PPM1L: variants seen among roughly 807,000 people sequenced by gnomAD.
PPM1L encodes the protein protein phosphatase, Mg2+/Mn2+ dependent 1L, also known as protein phosphatase 1L.
PPM1L carries 13 observed loss-of-function variants against 31.4 expected under a neutral mutation model. The ratio of observed to expected loss-of-function variants is 0.41; its 90% CI spans 0.27 to 0.66. The LOEUF is 0.66. Ranked by LOEUF, PPM1L falls within the 30% of genes least tolerant of loss-of-function variation. PPM1L has a pLI of 0.29. For missense variants in PPM1L, 326 were observed against 453.7 expected, an observed-to-expected ratio of 0.72 and a Z score of 2.56; for synonymous variants, 184 against 175.4, an observed-to-expected ratio of 1.05 and a Z score of -0.39.
At chr3:160,876,896 C>T (rs1043177581) in intron 1 of PPM1L, among the ~76,000 whole-genome samples, 5 of 152,162 alleles carry the variant, frequency 3.3e-5, no homozygotes, top group African/African-American at 4.8e-5. Context: ...AAAGCATTTG[C>T]TATTTTTATA....
At chr3:160,872,997 C>G (rs1293608794) in intron 1 of PPM1L, among the ~76,000 whole-genome samples, 1 of 152,152 alleles carries the variant, frequency 6.6e-6, no homozygotes, top group African/African-American at 2.4e-5. Flanking sequence ...TGTCAAGTAA[C>G]TTTGTATTCA....
At chr3:160,781,528 T>A (rs1711748064) in intron 1 of PPM1L, among the ~76,000 whole-genome samples, 2 of 152,150 alleles carry the variant, frequency 1.3e-5, no homozygotes, top group Admixed American at 6.6e-5. Flanking sequence ...CTCTTAGATG[T>A]CCCCTCTAAA....
At chr3:160,796,765 G>A (rs540808389) in intron 1 of PPM1L, among the ~76,000 whole-genome samples, 9 of 152,228 alleles carry the variant, frequency 5.9e-5, no homozygotes, top group Non-Finnish European at 5.9e-5. Flanking sequence ...GGTGTGAAAC[G>A]CCTAATTTAT....
rs113810876 is a variant in PPM1L, at chr3:160,795,802, CT to C, written c.399+39099del. On this transcript the variant is annotated intron_variant, in intron 1 of 3. Coordinates refer to ENST00000498165, the MANE Select transcript of PPM1L (RefSeq NM_139245.4). Reference sequence around the variant, plus strand: ...AATTTTATTCTTGTTTACCTTTTCACTTTTAGGAAGACTGCAAACTTACCCC... The same window carrying C: ...AATTTTATTCTTGTTTACCTTTTCACTTTAGGAAGACTGCAAACTTACCCC... Among the ~76,000 whole-genome samples, 1,451 of 152,300 alleles carry C rather than the reference CT, an allele frequency of 9.5e-3. 23 individuals carry two copies. Among genetic ancestry groups the C allele is most frequent in the African/African-American group, 0.032 (1,337 of 41,548 alleles).
chr3:160,827,384 T>A lies in PPM1L; in HGVS notation c.399+70677T>A, dbSNP rs188281066. On this transcript the variant is annotated intron_variant, in intron 1 of 3. Transcript: ENST00000498165. The stretch of plus-strand genomic sequence containing the variant: ...TTCTTGTTACCTTCTCTTTTCCCCC[T>A]CTTGTAGGGGTGGCATGCGTTGATT... 4.7e-3 allele frequency among the ~76,000 whole-genome samples: 716 copies of A among 152,044 alleles called. 11 individuals carry two copies. Among genetic ancestry groups the A allele is most frequent in the African/African-American group, 0.016 (677 of 41,444 alleles).
At chr3:160,834,059 T>G (rs1713615464) in intron 1 of PPM1L, among the ~76,000 whole-genome samples, 1 of 149,504 alleles carries the variant, frequency 6.7e-6, no homozygotes, top group Admixed American at 6.7e-5. Context: ...AGTCTTGCTG[T>G]GTAGCCTAGG....
chr3:160,896,457 A>G (rs904868650), intron 1 of PPM1L, among the ~76,000 whole-genome samples: 2 of 152,136 alleles, frequency 1.3e-5, no homozygotes, highest in African/African-American at 4.8e-5. Flanking sequence ...TAATTCCTCA[A>G]AAATTATATT....
intron 1 of PPM1L, among the ~76,000 whole-genome samples, chr3:160,941,504 G>A (rs868148697): frequency 6.6e-6 from 1 of 152,164 alleles, no homozygotes; most frequent in African/African-American, 2.4e-5. Context: ...TCTCATGATA[G>A]TGAATAAGTC....
intron 2 of PPM1L, among the ~76,000 whole-genome samples, chr3:161,052,297 C>T (rs183676938): frequency 5.6e-4 from 85 of 152,268 alleles, no homozygotes; most frequent in Non-Finnish European, 8.8e-4. Context: ...TCTTGGTTTT[C>T]CTCTTTGTCT....
chr3:160,867,724 G>A (rs1176796579), intron 1 of PPM1L, among the ~76,000 whole-genome samples: 1 of 151,954 alleles, frequency 6.6e-6, no homozygotes, highest in African/African-American at 2.4e-5. Flanking sequence ...TTAATGAATG[G>A]CTGGTGAAAT....
At chr3:160,995,856 T>G (rs1717304491) in intron 2 of PPM1L, among the ~76,000 whole-genome samples, 1 of 152,128 alleles carries the variant, frequency 6.6e-6, no homozygotes, top group Admixed American at 6.6e-5. Flanking sequence ...TGGCATCTCT[T>G]GGTAAAATAG....
At chr3:160,847,095 G>A (rs1473731071) in intron 1 of PPM1L, among the ~76,000 whole-genome samples, 1 of 152,038 alleles carries the variant, frequency 6.6e-6, no homozygotes, top group African/African-American at 2.4e-5. Context: ...CTATCATGGT[G>A]CAAAATTTAT....
intron 1 of PPM1L, among the ~76,000 whole-genome samples, chr3:160,843,469 T>TATATATATATA (rs1713970089): frequency 6.7e-5 from 9 of 133,834 alleles, no homozygotes; most frequent in Non-Finnish European, 9.7e-5. Flanking sequence ...TATATATATA[T>TATATATATATA]GTTTTTTTTA....
rs116229251 is a variant in PPM1L at position 161,066,995 on chromosome 3, A to G, written c.736+1431A>G. Among the ~76,000 whole-genome samples, 931 of 152,318 alleles carry G rather than the reference A, an allele frequency of 6.1e-3. 11 individuals carry two copies. The highest frequency in any genetic ancestry group is 0.021 in the African/African-American group (867 of 41,568). ...ATGAAACGAATGATATTTTAGGAGC[A>G]TCTATCAAGCTTTGATGACCTCCAG... On this transcript the variant is annotated intron_variant, in intron 3 of 3. Transcript: ENST00000498165.
chr3:160,768,663 G>A (rs1408742296), intron 1 of PPM1L, among the ~76,000 whole-genome samples: 1 of 152,094 alleles, frequency 6.6e-6, no homozygotes, highest in African/African-American at 2.4e-5. Flanking sequence ...GGTTTTGTCT[G>A]TTATAAGTCT....
At chr3:161,049,799 C>A (rs1576806975) in intron 2 of PPM1L, among the ~76,000 whole-genome samples, 1 of 152,110 alleles carries the variant, frequency 6.6e-6, no homozygotes, top group Non-Finnish European at 1.5e-5. Flanking sequence ...TCCTGTAACT[C>A]CTCCTCCTCA....
intron 1 of PPM1L, among the ~76,000 whole-genome samples, chr3:160,896,887 A>G (rs1713351852): frequency 6.6e-6 from 1 of 152,308 alleles, no homozygotes; most frequent in Admixed American, 6.5e-5. Context: ...GGCCAAGTAG[A>G]AATAGCACTT....
chr3:160,959,855 T>C (rs984622609), intron 1 of PPM1L, among the ~76,000 whole-genome samples: 4 of 151,852 alleles, frequency 2.6e-5, no homozygotes, highest in African/African-American at 9.7e-5. Flanking sequence ...AATAAAAAAA[T>C]AAAGTGTCTT....
At chr3:161,067,630 T>C (rs1316417894) in intron 3 of PPM1L, among the ~76,000 whole-genome samples, 1 of 152,248 alleles carries the variant, frequency 6.6e-6, no homozygotes, top group Non-Finnish European at 1.5e-5. Context: ...GATAATATTA[T>C]TCTCATTTTG....
Sources: gnomAD v4.1 joint callset for allele counts (sites outside exome capture counted in the v4.1 genomes callset) on GRCh38, gnomAD v4.1.1 for gene constraint, MANE v1.5 for transcripts, NCBI Gene and HGNC (gene_info 2026-07-23, HGNC 2026-07-21) for gene names.